IKZF1: variants seen among roughly 807,000 people sequenced by gnomAD.
IKZF1 encodes the protein IKAROS family zinc finger 1.
Under a neutral mutation model 51.7 loss-of-function variants are expected in IKZF1, and 10 were observed. That is an observed-to-expected ratio of 0.19 (90% CI 0.12 to 0.33). IKZF1 has a LOEUF of 0.33. Among genes scored for constraint, IKZF1 ranks in the 10% least tolerant of loss-of-function variants. IKZF1 has a pLI of 1.00. For missense variants in IKZF1, 484 were observed against 707.5 expected (o/e 0.68, Z 3.58); for synonymous variants, 280 against 282.3 (o/e 0.99, Z 0.08).
At chr7:50,384,375 C>A (rs930818325) in intron 5 of IKZF1, among the ~76,000 whole-genome samples, 1 of 152,246 alleles carries the variant, frequency 6.6e-6, no homozygotes, top group Non-Finnish European at 1.5e-5. Flanking sequence ...AGGATCCCCA[C>A]ATGCTCGCCA....
intron 1 of IKZF1, among the ~76,000 whole-genome samples, chr7:50,306,606 G>A (rs1016559754): frequency 5.3e-5 from 8 of 152,182 alleles, no homozygotes; most frequent in Admixed American, 2.6e-4. Context: ...TGACCCTTTC[G>A]AAGAGTTTTA....
intron 6 of IKZF1, among the ~76,000 whole-genome samples, chr7:50,390,042 T>C (rs1008348789): frequency 2.0e-5 from 3 of 152,268 alleles, no homozygotes; most frequent in South Asian, 4.1e-4. Context: ...TCACCTCTTA[T>C]AATTTCTCAA....
chr7:50,342,645 G>T (rs1340321179), intron 3 of IKZF1, among the ~76,000 whole-genome samples: 2 of 151,048 alleles, frequency 1.3e-5, no homozygotes, highest in African/African-American at 4.9e-5. Context: ...GTGAAGGAAA[G>T]GCTTTTTTTT....
intron 1 of IKZF1, chr7:50,308,825 C>T (rs369569678): frequency 6.6e-6 from 1 of 152,272 alleles, no homozygotes; most frequent in Non-Finnish European, 1.5e-5. Flanking sequence ...AGGGGAACTC[C>T]GAGCAGCCCT....
chr7:50,390,407 A>G (rs1363392710), intron 6 of IKZF1, among the ~76,000 whole-genome samples: 2 of 152,252 alleles, frequency 1.3e-5, no homozygotes, highest in Non-Finnish European at 2.9e-5. Context: ...TGTGGCCTAT[A>G]TATGTTTGCC....
In IKZF1 at chr7:50,400,144, G is replaced by T. The variant is rs544789137; in HGVS notation, c.1077G>T (p.Pro359=). 2.6e-6 allele frequency: 4 copies of T among 1,561,706 alleles called. No individual in the cohort carries two copies. The Admixed American group carries it at 5.8e-5, about 23-fold the overall frequency. ...ACAAGCCGCTCGCGGAGGGCACCCC[G>T]CGCTCCAACCACTCGGCCCAGGACA... ...QLHKPLAEGT[P]RSNHSAQDSA... The change falls in exon 8 of 8, where the codon CCG becomes CCT. Residue 359 remains proline, a synonymous_variant. Transcript: ENST00000331340. The surrounding 1 kb of genome is among the most constrained non-coding windows in gnomAD (Gnocchi z 5.4).
chr7:50,330,461 G>A (rs146702765), intron 3 of IKZF1, among the ~76,000 whole-genome samples: 310 of 152,242 alleles, frequency 2.0e-3, no homozygotes, highest in African/African-American at 6.9e-3. Context: ...GACAAACCAG[G>A]CACGACACAA....
chr7:50,351,510 G>A (rs1255729469), intron 3 of IKZF1, among the ~76,000 whole-genome samples: 3 of 152,282 alleles, frequency 2.0e-5, no homozygotes, highest in South Asian at 2.1e-4. Context: ...AGATTTGTGC[G>A]CTTTGAACAT....
intron 3 of IKZF1, among the ~76,000 whole-genome samples, chr7:50,335,556 G>A (rs1797541070): frequency 6.7e-6 from 1 of 149,882 alleles, no homozygotes; most frequent in Non-Finnish European, 1.5e-5. Context: ...TATGGGATGT[G>A]TGGTGTGTGG....
intron 1 of IKZF1, among the ~76,000 whole-genome samples, chr7:50,316,334 C>G (rs1367092788): frequency 6.6e-6 from 1 of 152,190 alleles, no homozygotes; most frequent in East Asian, 1.9e-4. Context: ...CATGAAGCCC[C>G]CTGCTGTCAG....
At chr7:50,361,238 A>G (rs1805123398) in intron 3 of IKZF1, among the ~76,000 whole-genome samples, 1 of 151,760 alleles carries the variant, frequency 6.6e-6, no homozygotes. Flanking sequence ...TCATTTTTGC[A>G]TTTTCTTCTT....
At position 50,400,327 on chromosome 7, in the gene IKZF1, G is replaced by T; in HGVS notation, c.1260G>T (p.Pro420=). ...GLIYLTNHIA[P]HARNGLSLKE... ...TCTACCTGACCAACCACATCGCCCC[G>T]CACGCGCGCAACGGGCTGTCGCTCA... Residue 420 remains proline (P), a synonymous_variant, in exon 8 of 8, where the codon CCG becomes CCT. Transcript: ENST00000331340. This position sits in a 1 kb window ranked among gnomAD's most constrained non-coding sequence, Gnocchi z 5.4. The T allele has an allele frequency of 6.2e-7, 1 of 1,612,816 alleles. No homozygotes were observed. The highest frequency in any genetic ancestry group is 8.5e-7 in the Non-Finnish European group (1 of 1,179,700).
At chr7:50,399,800 TGGGCCCCCA>T (rs1817659768) in intron 7 of IKZF1, 109 bp from the exon 8 acceptor site, 1 of 1,446,260 alleles carries the variant, frequency 6.9e-7, no homozygotes, top group Non-Finnish European at 9.1e-7. Flanking sequence ...GCAGGCGTGC[TGGGCCCCCA>T]GGCCGTGTTC....
chr7:50,309,194 A>G (rs900172822), intron 1 of IKZF1, among the ~76,000 whole-genome samples: 1 of 152,184 alleles, frequency 6.6e-6, no homozygotes, highest in South Asian at 2.1e-4. Context: ...TGCTTTCTTC[A>G]TATTTTCTCA....
intron 3 of IKZF1, among the ~76,000 whole-genome samples, chr7:50,364,407 T>C (rs181790436): frequency 6.6e-6 from 1 of 152,364 alleles, no homozygotes; most frequent in East Asian, 1.9e-4. Context: ...AAATTTGCTC[T>C]TGATAAGAAT....
intron 3 of IKZF1, among the ~76,000 whole-genome samples, chr7:50,342,807 C>T (rs1469983111): frequency 6.6e-6 from 1 of 152,222 alleles, no homozygotes; most frequent in East Asian, 1.9e-4. Flanking sequence ...CCCCAGCCTT[C>T]CTGTGAAAGG....
chr7:50,398,199 G>A (rs1817222531), intron 7 of IKZF1, among the ~76,000 whole-genome samples: 1 of 152,190 alleles, frequency 6.6e-6, no homozygotes, highest in South Asian at 2.1e-4. Flanking sequence ...GCACATTGGG[G>A]AAGTTTTGAC....
intron 7 of IKZF1, among the ~76,000 whole-genome samples, chr7:50,394,835 C>T (rs144420422): frequency 6.6e-6 from 1 of 152,146 alleles, no homozygotes; most frequent in African/African-American, 2.4e-5. Context: ...AAAGATCTCC[C>T]CCTCTGAGAC....
At chr7:50,310,440 A>G (rs1789885882) in intron 1 of IKZF1, among the ~76,000 whole-genome samples, 1 of 152,232 alleles carries the variant, frequency 6.6e-6, no homozygotes, top group Non-Finnish European at 1.5e-5. Flanking sequence ...TTATAAATAA[A>G]GACATGCCCA....
Sources: allele counts gnomAD v4.1 joint callset (sites outside exome capture counted in the v4.1 genomes callset), GRCh38; gene constraint gnomAD v4.1.1; non-coding constraint Gnocchi (gnomAD v3.1); transcripts MANE v1.5; gene names NCBI Gene and HGNC (gene_info 2026-07-23, HGNC 2026-07-21).